The following FERMT3 variants were observed in gnomAD, a reference collection of about 807,000 sequenced individuals.
FERMT3 encodes fermitin family homolog 3.
FERMT3 carries 33 observed loss-of-function variants against 80.8 expected under a neutral mutation model. That is an observed-to-expected ratio of 0.41 (90% CI 0.31 to 0.55). The LOEUF is 0.55. FERMT3 is among the 20% of genes least tolerant of loss of function. The probability of loss-of-function intolerance (pLI) is 0.31; values close to 1 mark genes in which losing one functional copy is unlikely to be tolerated. For missense variants in FERMT3, 754 were observed against 908.7 expected, an observed-to-expected ratio of 0.83 and a Z score of 2.19; for synonymous variants, 375 against 372.2, an observed-to-expected ratio of 1.01 and a Z score of -0.09.
At chr11:64,214,285 A>T (rs1591031559) in intron 6 of FERMT3, among the ~76,000 whole-genome samples, 3 of 147,318 alleles carry the variant, frequency 2.0e-5, no homozygotes, top group African/African-American at 7.6e-5. Context: ...CTCCTGCTTC[A>T]GCCTCCCAAG....
At chr11:64,209,954 G>A (rs748990842) in intron 2 of FERMT3, among the ~76,000 whole-genome samples, 31 of 152,306 alleles carry the variant, frequency 2.0e-4, no homozygotes, top group Admixed American at 5.9e-4. Context: ...AGGGACAGAC[G>A]CACATCTCTA....
Position 64,211,029 on chromosome 11 carries a change from G to C in FERMT3, c.395-23G>C, listed in dbSNP as rs368362418. On this transcript the variant is annotated intron_variant, in intron 3 of 14. Coordinates refer to ENST00000345728, the MANE Select transcript of FERMT3 (RefSeq NM_031471.6). The surrounding 1 kb of genome is among the most constrained non-coding windows in gnomAD (Gnocchi z 4.7). The stretch of plus-strand genomic sequence containing the variant: ...GAGGCTGCAGCAGGACCTAGTCCCC[G>C]CTGAGACCCTAGCTCCCCTCAGGCA... 1.9e-6 allele frequency: 3 copies of C among 1,606,460 alleles called. No homozygotes were observed. In the South Asian group the frequency reaches 3.3e-5, roughly 18 times the overall value.
In FERMT3 at chr11:64,219,208, A is replaced by C; in HGVS notation, c.787-43A>C. On this transcript the variant is annotated intron_variant, in intron 6 of 14. Transcript: ENST00000345728. This position sits in a 1 kb window ranked among gnomAD's most constrained non-coding sequence, Gnocchi z 4.0. Reference sequence around the variant, plus strand: ...GTGCAGGGCGTCCAGGGCAGCTGGCATCTGACCAGCCCAGCCTCCAGCCTC... The same window carrying C: ...GTGCAGGGCGTCCAGGGCAGCTGGCCTCTGACCAGCCCAGCCTCCAGCCTC... The C allele has an allele frequency of 6.5e-7, 1 of 1,535,644 alleles. No individual in the cohort carries two copies. The highest frequency in any genetic ancestry group is 8.8e-7 in the Non-Finnish European group (1 of 1,133,038).
chr11:64,222,901 A>C lies in FERMT3; in HGVS notation c.1671-147A>C, dbSNP rs1312390555. On this transcript the variant is annotated intron_variant, in intron 13 of 14. Transcript: ENST00000345728. Reference sequence around the variant, plus strand: ...TTACCAGATGAGGAACTTGAGGCCCAGGGAACCCAAATGGCTTGCTCAGGG... The same window carrying C: ...TTACCAGATGAGGAACTTGAGGCCCCGGGAACCCAAATGGCTTGCTCAGGG... 1.2e-5 allele frequency: 12 copies of C among 993,242 alleles called. No homozygotes were observed. The African/African-American group carries it at 1.6e-4, about 13-fold the overall frequency. The allele number at this position is 993,242 out of a possible 1,614,324, so 61.5% of individuals were successfully genotyped here.
At chr11:64,221,280 C>T in intron 13 of FERMT3, 140 bp downstream of exon 13, 2 of 813,016 alleles carry the variant, frequency 2.5e-6, no homozygotes, top group African/African-American at 1.7e-5. Context: ...GTAAGCAGGC[C>T]TTACTGAGGG....
chr11:64,207,601 A>T (rs1300495367), intron 2 of FERMT3, 77 bp downstream of exon 2: 1 of 1,524,562 alleles, frequency 6.6e-7, no homozygotes, highest in Non-Finnish European at 8.9e-7. Context: ...CTTCCGGGCC[A>T]TCCCTGCTGC....
At position 64,211,788 on chromosome 11, in the gene FERMT3, G is replaced by A. The variant is rs1306653969; in HGVS notation, c.786+41G>A. 1.3e-6 allele frequency: 2 copies of A among 1,588,396 alleles called. No homozygotes were observed. The highest frequency in any genetic ancestry group is 2.2e-5 in the East Asian group (1 of 44,764). The stretch of plus-strand genomic sequence containing the variant: ...GAGAAAGCGGGCCTCAGGTCCATGA[G>A]ATGTGGAGACCTAGGGCCTGGGGTA... On this transcript the variant is annotated intron_variant, in intron 6 of 14. Transcript: ENST00000345728. This position sits in a 1 kb window ranked among gnomAD's most constrained non-coding sequence, Gnocchi z 4.7.
At chr11:64,207,692 C>T (rs923459714) in intron 2 of FERMT3, 168 bp downstream of exon 2, 2 of 777,748 alleles carry the variant, frequency 2.6e-6, no homozygotes, top group African/African-American at 3.5e-5. Context: ...CCCCAACTTC[C>T]TCTCCCTCCC....
At chr11:64,222,224 G>A (rs561230183) in intron 13 of FERMT3, among the ~76,000 whole-genome samples, 205 of 142,578 alleles carry the variant, frequency 1.4e-3, no homozygotes, top group African/African-American at 5.2e-3. Flanking sequence ...GGGTGCGAAC[G>A]AGTGAGACTC....
At position 64,219,263 on chromosome 11, in the gene FERMT3, C is replaced by T. The variant is rs200298184; in HGVS notation, c.799C>T (p.Arg267Trp). Residue 267 changes from arginine (R) to tryptophan (W), a missense_variant, in exon 7 of 15, where the codon CGG becomes TGG. Transcript: ENST00000345728. This position sits in a 1 kb window ranked among gnomAD's most constrained non-coding sequence, Gnocchi z 4.0. ...CCCCCCGCTCCAGACAGACCCCGTG[C>T]GGCTGACACAGCTGTATGAGCAGGC... ...FDLDPKTDPV[R>W]LTQLYEQARW... 3.1e-6 allele frequency: 5 copies of T among 1,598,548 alleles called. No homozygotes were observed. Among genetic ancestry groups the T allele is most frequent in the South Asian group, 1.1e-5 (1 of 88,650 alleles).
chr11:64,208,925 A>G (rs773366506), intron 2 of FERMT3, among the ~76,000 whole-genome samples: 1 of 152,122 alleles, frequency 6.6e-6, no homozygotes, highest in Non-Finnish European at 1.5e-5. Flanking sequence ...CTGTCCTGCT[A>G]AGGTCAGCAG....
At chr11:64,218,000 CTT>C (rs34718711) in intron 6 of FERMT3, among the ~76,000 whole-genome samples, 9 of 119,488 alleles carry the variant, frequency 7.5e-5, no homozygotes, top group South Asian at 5.3e-4. Context: ...TTCCTTTTTC[CTT>C]TTTTTTTTTT....
intron 10 of FERMT3, 97 bp downstream of exon 10, chr11:64,220,112 G>A (rs750728120): frequency 6.6e-5 from 105 of 1,581,576 alleles, no homozygotes; most frequent in Non-Finnish European, 8.9e-5. Context: ...TGGAGACCGG[G>A]GAAGATGCCC....
In FERMT3 at chr11:64,211,460, C is replaced by G. The variant is rs765943402; in HGVS notation, c.683+17C>G. 43 of 1,571,418 alleles carry G rather than the reference C, an allele frequency of 2.7e-5. No homozygotes were observed. The highest frequency in any genetic ancestry group is 3.5e-5 in the Non-Finnish European group (41 of 1,163,154). On this transcript the variant is annotated intron_variant, in intron 5 of 14. Transcript: ENST00000345728. The surrounding 1 kb of genome is among the most constrained non-coding windows in gnomAD (Gnocchi z 4.7). ...CCACAGCAGGTGCACCCAGGAGCCA[C>G]GCCCCCTGTGTCAGGGCTCCCCCAC...
chr11:64,208,617 A>G (rs1388568029), intron 2 of FERMT3, among the ~76,000 whole-genome samples: 1 of 152,184 alleles, frequency 6.6e-6, no homozygotes, highest in African/African-American at 2.4e-5. Context: ...CGGCTGCCGC[A>G]CAGAGGGCGC....
In FERMT3 at chr11:64,223,049, T is replaced by C. The variant is rs1409762608; in HGVS notation, c.1672T>C (p.Phe558Leu). 6.2e-7 allele frequency: 1 copy of C among 1,613,344 alleles called. No homozygotes were observed. The highest frequency in any genetic ancestry group is 1.7e-5 in the Admixed American group (1 of 60,010). Reference sequence around the variant, plus strand: ...TCACTCTCTCTCCCTGGGGGCCAGGTTCAAGGGCAGCAGGAAAGACGAGAT... The same window carrying C: ...TCACTCTCTCTCCCTGGGGGCCAGGCTCAAGGGCAGCAGGAAAGACGAGAT... ...DFGISYVMVR[F>L]KGSRKDEILG... The change falls in exon 14 of 15, where the codon TTC becomes CTC. Residue 558 changes from phenylalanine to leucine, a missense_variant and splice_region_variant. By Grantham distance (22) the Phe-to-Leu change is conservative. Coordinates refer to ENST00000345728, the MANE Select transcript of FERMT3 (RefSeq NM_031471.6).
rs1315466902 is a variant in FERMT3, at chr11:64,223,090, C to T, written c.1713C>T (p.Asn571=). Residue 571 remains asparagine (N), a synonymous_variant, in exon 14 of 15, where the codon AAC becomes AAT. Coordinates refer to ENST00000345728, the MANE Select transcript of FERMT3 (RefSeq NM_031471.6). ...SRKDEILGIA[N]NRLIRIDLAV... is the part of the protein sequence containing the mutation. Reference sequence around the variant, plus strand: ...AAGACGAGATCCTGGGCATCGCCAACAACCGACTGATCCGCATCGACTTGG... The same window carrying T: ...AAGACGAGATCCTGGGCATCGCCAATAACCGACTGATCCGCATCGACTTGG... 6.2e-7 allele frequency: 1 copy of T among 1,613,912 alleles called. No individual in the cohort carries two copies. Among genetic ancestry groups the T allele is most frequent in the South Asian group, 1.1e-5 (1 of 91,090 alleles).
rs1467039056 is a variant in FERMT3, at chr11:64,219,851, G to A, written c.1080-40G>A. 2 of 1,613,826 alleles carry A rather than the reference G, an allele frequency of 1.2e-6. No individual in the cohort carries two copies. The highest frequency in any genetic ancestry group is 3.3e-5 in the Admixed American group (2 of 60,006). On this transcript the variant is annotated intron_variant, in intron 9 of 14. Transcript: ENST00000345728. This position sits in a 1 kb window ranked among gnomAD's most constrained non-coding sequence, Gnocchi z 4.0. ...GGGTTGGTCTGCATATGGAGGGAGG[G>A]GGTGAGGCGGCCTTTCACAAACCCC...
At position 64,223,431 on chromosome 11, in the gene FERMT3, G is replaced by C. The variant is rs368565732; in HGVS notation, c.1931G>C (p.Arg644Pro). 1 of 1,613,118 alleles carries C rather than the reference G, an allele frequency of 6.2e-7. No individual in the cohort carries two copies. Among genetic ancestry groups the C allele is most frequent in the Non-Finnish European group, 8.5e-7 (1 of 1,180,046 alleles). The change falls in exon 15 of 15, where the codon CGT (arginine) becomes CCT (proline). Residue 644 changes from arginine (R) to proline (P), a missense_variant. Arg to Pro is a moderately radical substitution (Grantham distance 103). Coordinates refer to ENST00000345728, the MANE Select transcript of FERMT3 (RefSeq NM_031471.6). The part of the protein sequence containing the change: ...YIFLSTRERA[R>P]GEELDEDLFL... ...TTCCTGTCGACGCGGGAGCGGGCCC[G>C]TGGGGAGGAGCTGGATGAAGACCTC...
Sources: gnomAD v4.1 joint callset for allele counts (sites outside exome capture counted in the v4.1 genomes callset) on GRCh38, gnomAD v4.1.1 for gene constraint, Gnocchi (gnomAD v3.1) non-coding constraint, MANE v1.5 for transcripts, NCBI Gene and HGNC (gene_info 2026-07-23, HGNC 2026-07-21) for gene names.